Variants in COL11A2 observed in about 807,000 individuals in gnomAD.
COL11A2 encodes collagen alpha-2(XI) chain.
COL11A2 carries 116 observed loss-of-function variants against 273.4 expected under a neutral mutation model. The ratio of observed to expected loss-of-function variants is 0.42; its 90% confidence interval spans 0.36 to 0.49. The LOEUF (loss-of-function observed/expected upper bound fraction) is 0.49. Among genes scored for constraint, COL11A2 ranks in the 20% least tolerant of loss-of-function variants. COL11A2 has a pLI of 0.00. For synonymous variants in COL11A2, 782 were observed against 864.2 expected, an observed-to-expected ratio of 0.90 and a Z score of 1.67; for missense variants, 1,866 against 2,309.0, an observed-to-expected ratio of 0.81 and a Z score of 3.93.
chr6:33,162,769 T>C lies in COL11A2; in HGVS notation c.*909A>G, dbSNP rs1768529801. ...CACAGGGTCCTGGGAGTCCCTTCCA[T>C]ATGCCACACATTAACCCTTTAATTG... On this transcript the variant is annotated 3_prime_UTR_variant, in exon 66 of 66. Transcript: ENST00000341947. The surrounding 1 kb of genome is among the most constrained non-coding windows in gnomAD (Gnocchi z 4.9). The C allele has an allele frequency of 6.5e-6, 1 of 154,008 alleles. No individual in the cohort carries two copies. Among genetic ancestry groups the C allele is most frequent in the Non-Finnish European group, 1.5e-5 (1 of 68,216 alleles). 9.5% of individuals were successfully genotyped at this position (154,008 alleles called of 1,614,324 possible).
intron 30 of COL11A2, among the ~76,000 whole-genome samples, chr6:33,175,144 C>G (rs922513703): frequency 6.6e-6 from 1 of 152,212 alleles, no homozygotes; most frequent in Non-Finnish European, 1.5e-5. Flanking sequence ...TCTGTAAAAC[C>G]TCAGCAAAAC....
chr6:33,175,337 C>G, intron 30 of COL11A2: 1 of 663,374 alleles, frequency 1.5e-6, no homozygotes, highest in East Asian at 2.8e-5. Flanking sequence ...GAAGCAACAG[C>G]TACTCTCTAA....
At position 33,169,405 on chromosome 6, in the gene COL11A2, T is replaced by G; in HGVS notation, c.3776A>C (p.Asp1259Ala). 1 of 1,612,882 alleles carries G rather than the reference T, an allele frequency of 6.2e-7. No homozygotes were observed. The highest frequency in any genetic ancestry group is 8.5e-7 in the Non-Finnish European group (1 of 1,180,018). Residue 1259 changes from aspartate to alanine, a missense_variant, in exon 51 of 66, where the codon GAT becomes GCT. Physicochemically the swap from Asp to Ala is moderately radical, Grantham distance 126. Transcript: ENST00000341947. This position sits in a 1 kb window ranked among gnomAD's most constrained non-coding sequence, Gnocchi z 5.5. ...GPPGPKGPTG[D>A]DGPKGNPGPV... ...CACAGGGTTCCCTTTGGGGCCATCA[T>G]CGCCTGTGGGGCCTTTAGGCCCTGG...
rs1210097913 is a variant in COL11A2 at position 33,178,229 on chromosome 6, CTG to C, written c.1819-46_1819-45del. 3 of 1,612,700 alleles carry C rather than the reference CTG, an allele frequency of 1.9e-6. No homozygotes were observed. The highest frequency in any genetic ancestry group is 2.7e-5 in the African/African-American group (2 of 74,858). On this transcript the variant is annotated intron_variant, in intron 20 of 65. Transcript: ENST00000341947. This position sits in a 1 kb window ranked among gnomAD's most constrained non-coding sequence, Gnocchi z 4.6. ...GAGGAGACGGCATGAATGGATAAAA[CTG>C]TGTCCCTTTAGTGCTCATGTCCCCC...
upstream of COL11A2, among the ~76,000 whole-genome samples, chr6:33,193,397 C>T (rs1773479842): frequency 7.4e-6 from 1 of 135,250 alleles, no homozygotes; most frequent in Non-Finnish European, 1.6e-5. Flanking sequence ...TCCGGCCGGC[C>T]CCGCCCCCAG....
In COL11A2 at chr6:33,170,179, C is replaced by G; in HGVS notation, c.3583-79G>C. ...GGGGCAAAGTCCCAGATGAGCAGCC[C>G]AAGGTTACAGCAGTGAGGCAGTGGA... is the stretch of plus-strand genomic sequence containing the variant. On this transcript the variant is annotated intron_variant, in intron 48 of 65. Transcript: ENST00000341947. This position sits in a 1 kb window ranked among gnomAD's most constrained non-coding sequence, Gnocchi z 4.3. 6.2e-7 allele frequency: 1 copy of G among 1,600,360 alleles called. No individual in the cohort carries two copies. Among genetic ancestry groups the G allele is most frequent in the Non-Finnish European group, 8.6e-7 (1 of 1,168,668 alleles).
rs777967293 is a variant in COL11A2 at position 33,170,632 on chromosome 6, G to A, written c.3475-22C>T. The A allele has an allele frequency of 2.5e-5, 40 of 1,612,384 alleles. No individual in the cohort carries two copies. Among genetic ancestry groups the A allele is most frequent in the Admixed American group, 3.3e-5 (2 of 59,976 alleles). On this transcript the variant is annotated intron_variant, in intron 46 of 65. Transcript: ENST00000341947. The surrounding 1 kb of genome is among the most constrained non-coding windows in gnomAD (Gnocchi z 4.3). Reference sequence around the variant, plus strand: ...AACCCTGTGCAAGTATACAAAACATGGGCCCAGGTGACGACCCCACCCAAA... The same window carrying A: ...AACCCTGTGCAAGTATACAAAACATAGGCCCAGGTGACGACCCCACCCAAA...
rs375026901 is a variant in COL11A2 at position 33,175,613 on chromosome 6, C to T, written c.2337G>A (p.Pro779=). Residue 779 remains proline, a synonymous_variant, in exon 30 of 66, where the codon CCG becomes CCA. Coordinates refer to ENST00000341947, the MANE Select transcript of COL11A2 (RefSeq NM_080680.3). ...GPEGPKGRTG[P]TGDPGPPGLM... ...GCCCTGGGGGCCCAGGGTCTCCAGT[C>T]GGTCCAGTGCGTCCCTTTGGCCCCT... 1.1e-5 allele frequency: 18 copies of T among 1,612,888 alleles called. No homozygotes were observed. The highest frequency in any genetic ancestry group is 4.5e-5 in the East Asian group (2 of 44,874).
rs201172181 is a variant in COL11A2 at position 33,178,289 on chromosome 6, C to A, written c.1818+19G>T. 4 of 1,612,784 alleles carry A rather than the reference C, an allele frequency of 2.5e-6. No individual in the cohort carries two copies. Among genetic ancestry groups the A allele is most frequent in the Non-Finnish European group, 3.4e-6 (4 of 1,179,964 alleles). On this transcript the variant is annotated intron_variant, in intron 20 of 65. Coordinates refer to ENST00000341947, the MANE Select transcript of COL11A2 (RefSeq NM_080680.3). This position sits in a 1 kb window ranked among gnomAD's most constrained non-coding sequence, Gnocchi z 4.6. ...TTCCCCAGAGCCCCCTCCCCCAGCA[C>A]CAGCCCTTGGACACTCACCGACTCT...
Position 33,168,705 on chromosome 6 carries a change from C to T in COL11A2, c.3906+1G>A, listed in dbSNP as rs1267259689. 1 of 1,591,454 alleles carries T rather than the reference C, an allele frequency of 6.3e-7. No homozygotes were observed. On this transcript the variant is annotated splice_donor_variant, in intron 53 of 65. Coordinates refer to ENST00000341947, the MANE Select transcript of COL11A2 (RefSeq NM_080680.3). LOFTEE classifies it high-confidence loss of function. ...GGGTGGTGGGGTCACCAGGCACTCACAGGCTGTCCTGGCTCACCATCCTCG... is the reference window on the plus strand; with the variant it reads ...GGGTGGTGGGGTCACCAGGCACTCATAGGCTGTCCTGGCTCACCATCCTCG...
At position 33,173,796 on chromosome 6, in the gene COL11A2, C is replaced by T; in HGVS notation, c.2584-51G>A. 1 of 1,608,658 alleles carries T rather than the reference C, an allele frequency of 6.2e-7. No individual in the cohort carries two copies. Among genetic ancestry groups the T allele is most frequent in the South Asian group, 1.1e-5 (1 of 90,922 alleles). On this transcript the variant is annotated intron_variant, in intron 34 of 65. Coordinates refer to ENST00000341947, the MANE Select transcript of COL11A2 (RefSeq NM_080680.3). This position sits in a 1 kb window ranked among gnomAD's most constrained non-coding sequence, Gnocchi z 6.3. ...GTGGGAAGAGCTGCTTTCCAGCTGTCCCCGAGGTCAGGATGTTGAGGGAGA... is the reference window on the plus strand; with the variant it reads ...GTGGGAAGAGCTGCTTTCCAGCTGTTCCCGAGGTCAGGATGTTGAGGGAGA...
Position 33,176,320 on chromosome 6 carries a change from G to A in COL11A2, c.2170-17C>T. On this transcript the variant is annotated splice_polypyrimidine_tract_variant and intron_variant, in intron 27 of 65. Transcript: ENST00000341947. The surrounding 1 kb of genome is among the most constrained non-coding windows in gnomAD (Gnocchi z 4.9). Reference sequence around the variant, plus strand: ...GTCCACACCCTAGAATTAGAGAGGGGATAGAAGTAGACTGATCAGGGGATG... The same window carrying A: ...GTCCACACCCTAGAATTAGAGAGGGAATAGAAGTAGACTGATCAGGGGATG... The A allele has an allele frequency of 6.2e-7, 1 of 1,603,420 alleles. No individual in the cohort carries two copies. The highest frequency in any genetic ancestry group is 8.5e-7 in the Non-Finnish European group (1 of 1,174,878).
In COL11A2 at chr6:33,166,235, G is replaced by A. The variant is rs1287501027; in HGVS notation, c.4393-29C>T. The A allele has an allele frequency of 5.7e-6, 9 of 1,588,260 alleles. No individual in the cohort carries two copies. The highest frequency in any genetic ancestry group is 7.7e-6 in the Non-Finnish European group (9 of 1,168,032). ...TGAAATGAGGAACAAGAAAGAGACG[G>A]TCACTGCAGGGGAAGGACAGGACTC... On this transcript the variant is annotated intron_variant, in intron 60 of 65. Transcript: ENST00000341947. This position sits in a 1 kb window ranked among gnomAD's most constrained non-coding sequence, Gnocchi z 4.8.
chr6:33,169,888 C>T lies in COL11A2; in HGVS notation c.3637-4G>A. On this transcript the variant is annotated splice_polypyrimidine_tract_variant and splice_region_variant and intron_variant, in intron 49 of 65. Coordinates refer to ENST00000341947, the MANE Select transcript of COL11A2 (RefSeq NM_080680.3). This position sits in a 1 kb window ranked among gnomAD's most constrained non-coding sequence, Gnocchi z 5.5. ...ATCCTGACTCTCCTGGTTCCCCCTGCAAAGAGATTAGAGTCAAAAACCTCC... is the reference window on the plus strand; with the variant it reads ...ATCCTGACTCTCCTGGTTCCCCCTGTAAAGAGATTAGAGTCAAAAACCTCC... The T allele has an allele frequency of 6.2e-7, 1 of 1,614,126 alleles. No individual in the cohort carries two copies. Among genetic ancestry groups the T allele is most frequent in the Non-Finnish European group, 8.5e-7 (1 of 1,180,008 alleles).
rs760763003 is a variant in COL11A2, at chr6:33,169,908, A to ACCT, written c.3637-27_3637-25dup. ...CCCTGCAAAGAGATTAGAGTCAAAAACCTCCTCTCCTTCCCCAGCCAAAAA... is the reference window on the plus strand; with the variant it reads ...CCCTGCAAAGAGATTAGAGTCAAAAACCTCCTCCTCTCCTTCCCCAGCCAAAAA... On this transcript the variant is annotated intron_variant, in intron 49 of 65. Transcript: ENST00000341947. The surrounding 1 kb of genome is among the most constrained non-coding windows in gnomAD (Gnocchi z 5.5). 3.1e-6 allele frequency: 5 copies of ACCT among 1,611,604 alleles called. No individual in the cohort carries two copies. The African/African-American group carries it at 5.4e-5, about 17-fold the overall frequency.
Position 33,165,721 on chromosome 6 carries a change from C to G in COL11A2, c.4578G>C (p.Glu1526Asp). Reference sequence around the variant, plus strand: ...CGGGGGCTCCCCCGGTCGGTATGGCCTCATCTTCCTGCATCAGACGGCTTC... The same window carrying G: ...CGGGGGCTCCCCCGGTCGGTATGGCGTCATCTTCCTGCATCAGACGGCTTC... ...VDGSRLMQED[E>D]AIPTGGAPGS... is the part of the protein sequence containing the mutation. The change falls in exon 63 of 66, where the codon GAG becomes GAC. Residue 1526 changes from glutamate to aspartate, a missense_variant. Coordinates refer to ENST00000341947, the MANE Select transcript of COL11A2 (RefSeq NM_080680.3). The surrounding 1 kb of genome is among the most constrained non-coding windows in gnomAD (Gnocchi z 7.7). 6.2e-7 allele frequency: 1 copy of G among 1,611,438 alleles called. No homozygotes were observed.
chr6:33,165,469 G>C lies in COL11A2; in HGVS notation c.4750+80C>G. 1 of 1,593,026 alleles carries C rather than the reference G, an allele frequency of 6.3e-7. No homozygotes were observed. The highest frequency in any genetic ancestry group is 8.5e-7 in the Non-Finnish European group (1 of 1,173,886). On this transcript the variant is annotated intron_variant, in intron 63 of 65. Coordinates refer to ENST00000341947, the MANE Select transcript of COL11A2 (RefSeq NM_080680.3). This position sits in a 1 kb window ranked among gnomAD's most constrained non-coding sequence, Gnocchi z 7.7. The stretch of plus-strand genomic sequence containing the variant: ...ACCCTTAACCCAACACCTTCACCAA[G>C]ACTCCCCCAGCATCCATTCTGCTTG...
rs749328168 is a variant in COL11A2, at chr6:33,189,006, A to C, written c.415T>G (p.Phe139Val). The change falls in exon 3 of 66, where the codon TTC becomes GTC. Residue 139 changes from phenylalanine (F) to valine (V), a missense_variant. Coordinates refer to ENST00000341947, the MANE Select transcript of COL11A2 (RefSeq NM_080680.3). This position sits in a 1 kb window ranked among gnomAD's most constrained non-coding sequence, Gnocchi z 5.6. Reference sequence around the variant, plus strand: ...CCATCTGCTAGGCTGAGGCCTCGGAAGACTGGCTGAGAGGGAGGTTGAGGC... The same window carrying C: ...CCATCTGCTAGGCTGAGGCCTCGGACGACTGGCTGAGAGGGAGGTTGAGGC... ...GRPQPPSQPVFRGLSLADGKW... is the reference protein window; with the variant it reads ...GRPQPPSQPVVRGLSLADGKW... 1 of 1,614,226 alleles carries C rather than the reference A, an allele frequency of 6.2e-7. No homozygotes were observed. The highest frequency in any genetic ancestry group is 8.5e-7 in the Non-Finnish European group (1 of 1,180,034).
At chr6:33,180,642 C>T (rs747454525) in intron 11 of COL11A2, 26 bp downstream of exon 11, 2 of 1,587,330 alleles carry the variant, frequency 1.3e-6, no homozygotes, top group Admixed American at 1.8e-5. Flanking sequence ...CGAAGCTCCC[C>T]CGTCACATGG....
Sources: allele counts gnomAD v4.1 joint callset (sites outside exome capture counted in the v4.1 genomes callset), GRCh38; gene constraint gnomAD v4.1.1; non-coding constraint Gnocchi (gnomAD v3.1); transcripts MANE v1.5; gene names NCBI Gene and HGNC (gene_info 2026-07-23, HGNC 2026-07-21).